Variants in CFAP46 observed in about 807,000 individuals in gnomAD.
CFAP46 encodes cilia- and flagella-associated protein 46.
CFAP46 carries 245 observed loss-of-function variants against 325.7 expected under a neutral mutation model. That is an observed-to-expected ratio of 0.75 (90% confidence interval 0.68 to 0.84). The LOEUF (loss-of-function observed/expected upper bound fraction) is 0.84, where lower values mean the gene tolerates loss of function less well. Among genes scored for constraint, CFAP46 ranks in the 40% least tolerant of loss-of-function variants. The probability of loss-of-function intolerance (pLI) is 0.00; values close to 1 mark genes in which losing one functional copy is unlikely to be tolerated. For missense variants in CFAP46, 3,346 were observed against 3,543.0 expected, an observed-to-expected ratio of 0.94 and a Z score of 1.41; for synonymous variants, 1,523 against 1,495.9, an observed-to-expected ratio of 1.02 and a Z score of -0.42.
intron 27 of CFAP46, among the ~76,000 whole-genome samples, chr10:132,882,594 CT>C (rs1564788879): frequency 6.6e-6 from 1 of 151,718 alleles, no homozygotes; most frequent in African/African-American, 2.4e-5. Context: ...ATTCACAGGT[CT>C]AGCGGGTGGG....
In CFAP46 at chr10:132,808,500, C is replaced by A. The variant is rs779116312; in HGVS notation, c.8069G>T (p.Gly2690Val). 5 of 1,613,126 alleles carry A rather than the reference C, an allele frequency of 3.1e-6. No homozygotes were observed. The highest frequency in any genetic ancestry group is 4.2e-6 in the Non-Finnish European group (5 of 1,180,028). ...SCVSSRGQDKGGLPLAALVLS... is the reference protein window; with the variant it reads ...SCVSSRGQDKVGLPLAALVLS... The stretch of plus-strand genomic sequence containing the variant: ...CACCAGCGCCGCCAAGGGGAGGCCG[C>A]CCTTGTCCTGGCCCCGGGAAGAGAC... The change falls in exon 58 of 58, where the codon GGC (glycine) becomes GTC (valine). Residue 2690 changes from glycine to valine, a missense_variant. Physicochemically the swap from Gly to Val is moderately radical, Grantham distance 109. Transcript: ENST00000368586. The surrounding 1 kb of genome is among the most constrained non-coding windows in gnomAD (Gnocchi z 6.8).
chr10:132,849,827 CA>C (rs1280833536), intron 41 of CFAP46, among the ~76,000 whole-genome samples: 5 of 152,204 alleles, frequency 3.3e-5, no homozygotes, highest in African/African-American at 1.2e-4. Flanking sequence ...GCCCGGTGCT[CA>C]GGCCCACCCT....
chr10:132,879,221 G>A (rs889246409), intron 29 of CFAP46, among the ~76,000 whole-genome samples: 3 of 152,186 alleles, frequency 2.0e-5, no homozygotes, highest in Non-Finnish European at 4.4e-5. Flanking sequence ...TTTGTTTTGG[G>A]GGAGTCTCTT....
chr10:132,904,578 C>CA (rs1341325835), intron 22 of CFAP46, among the ~76,000 whole-genome samples: 1 of 152,226 alleles, frequency 6.6e-6, no homozygotes, highest in African/African-American at 2.4e-5. Context: ...ATTTTTAAGT[C>CA]AATTTACACA....
At chr10:132,881,593 G>A (rs1349556976) in intron 27 of CFAP46, among the ~76,000 whole-genome samples, 1 of 152,066 alleles carries the variant, frequency 6.6e-6, no homozygotes, top group Admixed American at 6.6e-5. Context: ...CCTCAGCCCT[G>A]AGAGCCAGGG....
intron 48 of CFAP46, 64 bp from the exon 49 acceptor site, chr10:132,834,187 G>A (rs1224758131): frequency 9.0e-6 from 13 of 1,441,704 alleles, no homozygotes; most frequent in East Asian, 6.8e-5. Context: ...GAATATAGGC[G>A]ACACCTGCTC....
chr10:132,887,678 T>C (rs1338451917), intron 25 of CFAP46, among the ~76,000 whole-genome samples: 1 of 104,350 alleles, frequency 9.6e-6, no homozygotes, highest in Non-Finnish European at 2.0e-5. Context: ...CCTCTCTCTC[T>C]CCTCTCCTCT....
chr10:132,886,875 C>T lies in CFAP46; in HGVS notation c.3305-916G>A, dbSNP rs534830179. Among the ~76,000 whole-genome samples the T allele has an allele frequency of 1.2e-3, 179 of 152,152 alleles. 1 individual carries two copies. The highest frequency in any genetic ancestry group is 4.2e-3 in the African/African-American group (173 of 41,468). On this transcript the variant is annotated intron_variant, in intron 25 of 57. Coordinates refer to ENST00000368586, the MANE Select transcript of CFAP46 (RefSeq NM_001200049.3). This position sits in a 1 kb window ranked among gnomAD's most constrained non-coding sequence, Gnocchi z 5.8. ...AGCCATGGCGACTAGAATGCTGACG[C>T]GTCCCCTCCCCGTCATGGGCGCTGC...
chr10:132,860,468 C>A lies in CFAP46; in HGVS notation c.5147G>T (p.Arg1716Ile). 6.4e-7 allele frequency: 1 copy of A among 1,551,216 alleles called. No individual in the cohort carries two copies. Among genetic ancestry groups the A allele is most frequent in the Non-Finnish European group, 8.7e-7 (1 of 1,147,124 alleles). ...INAFKILKKE[R>I]PNRLPLLEFM... is the part of the protein sequence containing the mutation. ...TTCCAGTAAAGGCAATCGGTTTGGT[C>A]TTTCTTTCTTGAGGATCTTGAAGGC... Residue 1716 changes from arginine (R) to isoleucine (I), a missense_variant, in exon 37 of 58, where the codon AGA becomes ATA. Transcript: ENST00000368586.
At position 132,814,876 on chromosome 10, in the gene CFAP46, T is replaced by TG. The variant is rs1364872560; in HGVS notation, c.7155dup (p.Lys2386GlnfsTer21). The TG allele has an allele frequency of 6.2e-7, 1 of 1,614,064 alleles. No individual in the cohort carries two copies. The highest frequency in any genetic ancestry group is 1.3e-5 in the African/African-American group (1 of 74,930). The stretch of plus-strand genomic sequence containing the variant: ...CCCTTCTTCGCTAGGCTTCTCTTTT[T>TG]GGGGTCTCTGCTTCTTCCCTCCTTT... On this transcript the variant is annotated frameshift_variant, in exon 51 of 58. Transcript: ENST00000368586. LOFTEE classifies it high-confidence loss of function.
chr10:132,857,619 T>C lies in CFAP46; in HGVS notation c.5545A>G (p.Ser1849Gly). ...TGAAGTGACAATAGGCCCTGGACGC[T>C]GTGAAGCCTCCCTTCTTCCTCAGCC... ...AMAEEEGRLH[S>G]VQGLLSLQDL... Residue 1849 changes from serine to glycine, a missense_variant, in exon 39 of 58, where the codon AGC (serine) becomes GGC (glycine). Physicochemically the swap from Ser to Gly is moderately conservative, Grantham distance 56. Coordinates refer to ENST00000368586, the MANE Select transcript of CFAP46 (RefSeq NM_001200049.3). 1 of 1,612,880 alleles carries C rather than the reference T, an allele frequency of 6.2e-7. No individual in the cohort carries two copies.
chr10:132,810,647 A>G, intron 56 of CFAP46, 158 bp from the exon 57 acceptor site: 2 of 765,866 alleles, frequency 2.6e-6, no homozygotes, highest in East Asian at 5.3e-5. Flanking sequence ...CTGGTTTGCC[A>G]GGATGCTCTT....
At chr10:132,854,699 T>G (rs1474851671) in intron 39 of CFAP46, among the ~76,000 whole-genome samples, 1 of 152,126 alleles carries the variant, frequency 6.6e-6, no homozygotes, top group Non-Finnish European at 1.5e-5. Flanking sequence ...CGTTTAAAAA[T>G]ATACAATTCA....
chr10:132,888,165 G>C (rs535471680), intron 25 of CFAP46, among the ~76,000 whole-genome samples: 2 of 151,822 alleles, frequency 1.3e-5, no homozygotes, highest in African/African-American at 4.8e-5. Flanking sequence ...AATTTCTGCT[G>C]CATCGAGCGC....
rs191494286 is a variant in CFAP46, at chr10:132,899,033, C to T, written c.3145G>A (p.Val1049Ile). ...GCACCCTTGGCCTTCTTCCTGTAGA[C>T]GGCTGAGGACAGCAGTGGGAGCCAG... ...NAWLPLLSSA[V>I]YRKKAKGALK... is the part of the protein sequence containing the mutation. Residue 1049 changes from valine (V) to isoleucine (I), a missense_variant, in exon 24 of 58, where the codon GTC becomes ATC. Physicochemically the swap from Val to Ile is conservative, Grantham distance 29. Transcript: ENST00000368586. The T allele has an allele frequency of 2.8e-5, 44 of 1,550,626 alleles. No homozygotes were observed. The Admixed American group carries it at 4.1e-4, about 15-fold the overall frequency.
At chr10:132,880,667 G>C (rs1250913428) in intron 28 of CFAP46, among the ~76,000 whole-genome samples, 194 bp downstream of exon 28, 1 of 148,230 alleles carries the variant, frequency 6.7e-6, no homozygotes, top group Non-Finnish European at 1.5e-5. Context: ...ACACGTCAGG[G>C]GCCCCTGCAG....
At position 132,817,201 on chromosome 10, in the gene CFAP46, A is replaced by C. The variant is rs183502855; in HGVS notation, c.7118-2287T>G. Among the ~76,000 whole-genome samples, 112 of 152,284 alleles carry C rather than the reference A, an allele frequency of 7.4e-4. 1 individual carries two copies. The highest frequency in any genetic ancestry group is 2.5e-3 in the Admixed American group (39 of 15,304). On this transcript the variant is annotated intron_variant, in intron 50 of 57. Coordinates refer to ENST00000368586, the MANE Select transcript of CFAP46 (RefSeq NM_001200049.3). The surrounding 1 kb of genome is among the most constrained non-coding windows in gnomAD (Gnocchi z 4.4). ...CTATTTCATACCTCTGAGGAGGCGA[A>C]CTTTCGATTCTCATGATGTCCATGT...
In CFAP46 at chr10:132,877,999, TTC is replaced by T; in HGVS notation, c.4092_4093del (p.Lys1365GlyfsTer3). ...CTTCTCTTTACTCCTCTCATTCTCC[TTC>T]TCTTTTTTAGGCAATAACAGATGTG... On this transcript the variant is annotated frameshift_variant, in exon 30 of 58. Transcript: ENST00000368586. LOFTEE classifies it high-confidence loss of function. This position sits in a 1 kb window ranked among gnomAD's most constrained non-coding sequence, Gnocchi z 5.7. 6.4e-7 allele frequency: 1 copy of T among 1,550,642 alleles called. No homozygotes were observed. The highest frequency in any genetic ancestry group is 2.4e-5 in the East Asian group (1 of 40,904).
chr10:132,935,151 G>C (rs976769151), intron 7 of CFAP46, among the ~76,000 whole-genome samples: 1 of 152,040 alleles, frequency 6.6e-6, no homozygotes, highest in Non-Finnish European at 1.5e-5. Flanking sequence ...CGGGAAATGT[G>C]GGGCACTCTC....
Sources: gnomAD v4.1 joint callset for allele counts (sites outside exome capture counted in the v4.1 genomes callset) on GRCh38, gnomAD v4.1.1 for gene constraint, Gnocchi (gnomAD v3.1) non-coding constraint, MANE v1.5 for transcripts, NCBI Gene and HGNC (gene_info 2026-07-23, HGNC 2026-07-21) for gene names.